The following RANBP2 variants were observed in gnomAD, a reference collection of about 807,000 sequenced individuals.
RANBP2 encodes E3 SUMO-protein ligase RanBP2.
RANBP2 carries 57 observed loss-of-function variants against 303.6 expected under a neutral mutation model. The observed-to-expected ratio is 0.19, with a 90% confidence interval of 0.15 to 0.23. The LOEUF is 0.23. RANBP2 is among the 10% of genes least tolerant of loss of function. The probability of loss-of-function intolerance (pLI) is 1.00; values close to 1 mark genes in which losing one functional copy is unlikely to be tolerated. For synonymous variants in RANBP2, 1,167 were observed against 1,301.5 expected (o/e 0.90, Z 2.23); for missense variants, 3,138 against 3,780.8 (o/e 0.83, Z 4.46).
chr2:109,510,431 C>T, the RANBP2 span, among the ~76,000 whole-genome samples: 1 of 152,296 alleles, frequency 6.6e-6, no homozygotes, highest in South Asian at 2.1e-4. Context: ...GCAGACAGCC[C>T]CGAGGGTCCT....
the RANBP2 span, among the ~76,000 whole-genome samples, chr2:109,385,900 CTCT>C: frequency 0.47 from 71,674 of 151,462 alleles, 17,003 homozygotes; most frequent in Middle Eastern, 0.55. Context: ...TGAAACTCTG[CTCT>C]TCTTCATATT....
At chr2:109,647,086 G>A in the RANBP2 span, among the ~76,000 whole-genome samples, 1 of 150,532 alleles carries the variant, frequency 6.6e-6, no homozygotes, top group South Asian at 2.1e-4. Flanking sequence ...GCTGGGCTCT[G>A]CTTCCCAGCC....
chr2:109,505,008 A>G, the RANBP2 span, among the ~76,000 whole-genome samples: 1 of 152,128 alleles, frequency 6.6e-6, no homozygotes, highest in Non-Finnish European at 1.5e-5. Flanking sequence ...TTTTCTTGTC[A>G]TTATTCAAGT....
chr2:108,806,161 C>G, the RANBP2 span, among the ~76,000 whole-genome samples: 9 of 152,158 alleles, frequency 5.9e-5, no homozygotes, highest in Admixed American at 2.0e-4. Flanking sequence ...TCATTTATGG[C>G]TGTTACTATT....
the RANBP2 span, among the ~76,000 whole-genome samples, chr2:109,588,106 C>T: frequency 1.3e-5 from 2 of 150,862 alleles, no homozygotes; most frequent in African/African-American, 2.4e-5. Flanking sequence ...AAATGCCCCC[C>T]GCCAAAAAAA....
At chr2:109,049,980 G>A in the RANBP2 span, among the ~76,000 whole-genome samples, 37 of 152,236 alleles carry the variant, frequency 2.4e-4, no homozygotes, top group Admixed American at 1.0e-3. Context: ...CACCGTGAGC[G>A]TGTATTTGTG....
chr2:109,210,599 T>C, the RANBP2 span, among the ~76,000 whole-genome samples: 3 of 152,120 alleles, frequency 2.0e-5, no homozygotes, highest in Non-Finnish European at 4.4e-5. Context: ...GTGTGGATTG[T>C]GTCCAGCTCA....
chr2:108,978,206 A>G, the RANBP2 span, among the ~76,000 whole-genome samples: 1 of 152,224 alleles, frequency 6.6e-6, no homozygotes, highest in Non-Finnish European at 1.5e-5. Context: ...AGACGTGCAT[A>G]TCTTTTAGGA....
At chr2:109,575,364 A>ATTTT in the RANBP2 span, among the ~76,000 whole-genome samples, 5 of 152,374 alleles carry the variant, frequency 3.3e-5, no homozygotes, top group African/African-American at 1.2e-4. Context: ...AGGCACAAAA[A>ATTTT]GCCTAAGTAA....
the RANBP2 span, among the ~76,000 whole-genome samples, chr2:109,320,635 C>T: frequency 6.6e-6 from 1 of 152,182 alleles, no homozygotes; most frequent in South Asian, 2.1e-4. Context: ...TGCTGGATTC[C>T]AGCTCTATAA....
chr2:109,195,516 G>C, the RANBP2 span, among the ~76,000 whole-genome samples: 8 of 152,198 alleles, frequency 5.3e-5, no homozygotes, highest in African/African-American at 1.7e-4. Flanking sequence ...GGAAACCTAC[G>C]TTCTTTAGAG....
the RANBP2 span, among the ~76,000 whole-genome samples, chr2:108,815,552 C>G: frequency 6.7e-6 from 1 of 149,264 alleles, no homozygotes; most frequent in Admixed American, 6.7e-5. Flanking sequence ...CTGCAGCCTC[C>G]ACCTCCTGGT....
At chr2:109,111,860 C>T in the RANBP2 span, among the ~76,000 whole-genome samples, 3 of 148,824 alleles carry the variant, frequency 2.0e-5, no homozygotes. Context: ...TCAGTTCCCA[C>T]CTATGAGTGA....
At chr2:109,026,579 G>A in the RANBP2 span, among the ~76,000 whole-genome samples, 34 of 152,258 alleles carry the variant, frequency 2.2e-4, no homozygotes, top group African/African-American at 7.2e-5. Context: ...AGGAAGCACC[G>A]TTAGTGTAGG....
At chr2:109,598,190 G>A in the RANBP2 span, among the ~76,000 whole-genome samples, 1 of 151,892 alleles carries the variant, frequency 6.6e-6, no homozygotes, top group Non-Finnish European at 1.5e-5. Flanking sequence ...AGCCTCCCAA[G>A]TAGAGTAGCT....
At chr2:108,817,837 G>A in the RANBP2 span, among the ~76,000 whole-genome samples, 1 of 152,182 alleles carries the variant, frequency 6.6e-6, no homozygotes, top group Non-Finnish European at 1.5e-5. Context: ...TTGTTTAAAT[G>A]TTAAGTTTGT....
At chr2:108,756,299 T>A (rs186618512) in intron 17 of RANBP2, among the ~76,000 whole-genome samples, 1 of 152,348 alleles carries the variant, frequency 6.6e-6, no homozygotes, top group Non-Finnish European at 1.5e-5. Flanking sequence ...AATACTTCCA[T>A]ATGAATTTGA....
chr2:109,683,843 T>C, the RANBP2 span, among the ~76,000 whole-genome samples: 1 of 152,232 alleles, frequency 6.6e-6, no homozygotes, highest in South Asian at 2.1e-4. Flanking sequence ...CCAACAGTTA[T>C]TCATCATTTT....
At chr2:109,732,773 T>C in the RANBP2 span, 2 of 831,312 alleles carry the variant, frequency 2.4e-6, no homozygotes, top group South Asian at 1.3e-5. Context: ...CAAGACTGAA[T>C]TGGAACAGAC....
Sources: allele counts gnomAD v4.1 joint callset (sites outside exome capture counted in the v4.1 genomes callset), GRCh38; gene constraint gnomAD v4.1.1; transcripts MANE v1.5; gene names NCBI Gene and HGNC (gene_info 2026-07-23, HGNC 2026-07-21).